Variants in KCNQ5 observed in about 807,000 individuals in gnomAD.
The protein encoded by KCNQ5 is potassium voltage-gated channel subfamily KQT member 5.
Under a neutral mutation model 98.2 loss-of-function variants are expected in KCNQ5, and 30 were observed. That is an observed-to-expected ratio of 0.31 (90% CI 0.23 to 0.41). KCNQ5 has a LOEUF of 0.41. Among genes scored for constraint, KCNQ5 ranks in the 10% least tolerant of loss-of-function variants. The pLI, the probability that KCNQ5 is intolerant of heterozygous loss-of-function variation, is 1.00. For missense variants in KCNQ5, 835 were observed against 1,182.5 expected (o/e 0.71, Z 4.31); for synonymous variants, 458 against 449.4 (o/e 1.02, Z -0.24).
At chr6:72,787,551 A>T (rs1773818447) in intron 1 of KCNQ5, among the ~76,000 whole-genome samples, 1 of 152,184 alleles carries the variant, frequency 6.6e-6, no homozygotes, top group Non-Finnish European at 1.5e-5. Flanking sequence ...AAAAAAAAAA[A>T]AATTGAATGC....
Position 73,010,801 on chromosome 6 carries a change from G to A in KCNQ5, c.489+6803G>A, listed in dbSNP as rs184665530. Among the ~76,000 whole-genome samples, 589 of 151,838 alleles carry A rather than the reference G, an allele frequency of 3.9e-3. 8 individuals carry two copies. The highest frequency in any genetic ancestry group is 0.014 in the African/African-American group (569 of 41,460). ...TTATAATAATATCAAAAAATACTTAGGAATTAACTTAACCAAGGAGATGAA... is the reference window on the plus strand; with the variant it reads ...TTATAATAATATCAAAAAATACTTAAGAATTAACTTAACCAAGGAGATGAA... On this transcript the variant is annotated intron_variant, in intron 2 of 13. Transcript: ENST00000370398.
intron 1 of KCNQ5, among the ~76,000 whole-genome samples, chr6:72,757,401 C>A (rs1351247558): frequency 6.6e-6 from 1 of 152,112 alleles, no homozygotes; most frequent in African/African-American, 2.4e-5. Flanking sequence ...CAGATAAAGT[C>A]ATTGTAAGTT....
intron 1 of KCNQ5, among the ~76,000 whole-genome samples, chr6:72,723,586 A>T (rs1770089663): frequency 6.6e-6 from 1 of 152,198 alleles, no homozygotes. Context: ...TATGCAAGAA[A>T]CACATAAAGC....
At chr6:73,169,359 T>C (rs1279452127) in intron 10 of KCNQ5, among the ~76,000 whole-genome samples, 2 of 152,200 alleles carry the variant, frequency 1.3e-5, no homozygotes, top group Non-Finnish European at 2.9e-5. Flanking sequence ...GCTTGATATA[T>C]ACAGGCCAGT....
Position 73,193,753 on chromosome 6 carries a change from A to G in KCNQ5, c.1837-699A>G, listed in dbSNP as rs116236186. Among the ~76,000 whole-genome samples the G allele has an allele frequency of 4.4e-3, 672 of 152,042 alleles. 8 individuals carry two copies. Among genetic ancestry groups the G allele is most frequent in the African/African-American group, 0.015 (603 of 41,474 alleles). The stretch of plus-strand genomic sequence containing the variant: ...AAGGTATTGGTTTCATTATAGAATA[A>G]GTTCCTTACTAGATTTCTGTAGAGT... On this transcript the variant is annotated intron_variant, in intron 13 of 13. Coordinates refer to ENST00000370398, the MANE Select transcript of KCNQ5 (RefSeq NM_019842.4).
chr6:72,677,820 G>C (rs1248552146), intron 1 of KCNQ5, among the ~76,000 whole-genome samples: 1 of 152,176 alleles, frequency 6.6e-6, no homozygotes, highest in East Asian at 1.9e-4. Flanking sequence ...ATACAAAGTT[G>C]AGTGAGCAGA....
At chr6:72,716,931 A>AC (rs1339299318) in intron 1 of KCNQ5, among the ~76,000 whole-genome samples, 2 of 152,216 alleles carry the variant, frequency 1.3e-5, no homozygotes, top group African/African-American at 4.8e-5. Flanking sequence ...ATGTTTATTA[A>AC]ACACCTACTC....
chr6:72,641,893 G>T (rs1334105464), intron 1 of KCNQ5, among the ~76,000 whole-genome samples: 1 of 151,730 alleles, frequency 6.6e-6, no homozygotes, highest in Non-Finnish European at 1.5e-5. Flanking sequence ...GAGGTGACTG[G>T]AGAAAATGAA....
chr6:72,855,350 A>G (rs1489166667), intron 1 of KCNQ5, among the ~76,000 whole-genome samples: 3 of 152,182 alleles, frequency 2.0e-5, no homozygotes, highest in Non-Finnish European at 4.4e-5. Flanking sequence ...ACATTATTTT[A>G]CTAAAATGCT....
intron 1 of KCNQ5, among the ~76,000 whole-genome samples, chr6:72,884,621 C>CT (rs11284300): frequency 1.7e-4 from 26 of 149,200 alleles, no homozygotes; most frequent in African/African-American, 3.2e-4. Flanking sequence ...GAATAAAATA[C>CT]TTTTTTTTTT....
intron 1 of KCNQ5, among the ~76,000 whole-genome samples, chr6:73,002,004 G>C (rs867219884): frequency 1.5e-3 from 1 of 684 alleles, no homozygotes; most frequent in Admixed American, 0.071. Context: ...TGCGCCTATA[G>C]TCCCAGCTCT....
chr6:73,114,471 T>C (rs1775399892), intron 7 of KCNQ5, among the ~76,000 whole-genome samples: 2 of 152,228 alleles, frequency 1.3e-5, no homozygotes, highest in African/African-American at 4.8e-5. Context: ...TTTAGCTGTG[T>C]CAATATCTTT....
chr6:72,884,670 G>A (rs1241063019), intron 1 of KCNQ5, among the ~76,000 whole-genome samples: 2 of 151,800 alleles, frequency 1.3e-5, no homozygotes, highest in Non-Finnish European at 2.9e-5. Context: ...AGGCTGGAGA[G>A]CGGTGAGACA....
At chr6:72,759,854 A>G (rs1049624165) in intron 1 of KCNQ5, among the ~76,000 whole-genome samples, 1 of 152,172 alleles carries the variant, frequency 6.6e-6, no homozygotes, top group Non-Finnish European at 1.5e-5. Flanking sequence ...CTTCACATAC[A>G]CATGCATGCA....
At chr6:72,951,161 T>G (rs1766783771) in intron 1 of KCNQ5, among the ~76,000 whole-genome samples, 1 of 152,222 alleles carries the variant, frequency 6.6e-6, no homozygotes, top group Admixed American at 6.5e-5. Flanking sequence ...GATCAGGATT[T>G]TCAACTTTCT....
intron 1 of KCNQ5, among the ~76,000 whole-genome samples, chr6:72,979,693 G>C (rs1254010713): frequency 2.0e-5 from 3 of 152,160 alleles, no homozygotes; most frequent in Admixed American, 1.3e-4. Flanking sequence ...GATTCCATTT[G>C]TCAATTTTGG....
rs779501267 is a variant in KCNQ5 at position 72,962,511 on chromosome 6, A to G, written c.399-41397A>G. On this transcript the variant is annotated intron_variant, in intron 1 of 13. Coordinates refer to ENST00000370398, the MANE Select transcript of KCNQ5 (RefSeq NM_019842.4). The stretch of plus-strand genomic sequence containing the variant: ...GCTACTGAAATTTTTTAAAATTAAT[A>G]AGTAAAATAAATCACTAAGCTCAGA... 9.9e-5 allele frequency among the ~76,000 whole-genome samples: 15 copies of G among 152,046 alleles called. No homozygotes were observed. In the South Asian group the frequency reaches 2.5e-3, roughly 25 times the overall value.
At chr6:73,138,761 G>A (rs1198762863) in intron 10 of KCNQ5, among the ~76,000 whole-genome samples, 1 of 152,174 alleles carries the variant, frequency 6.6e-6, no homozygotes, top group Non-Finnish European at 1.5e-5. Context: ...GGTTCACCAG[G>A]GTGGGATCTG....
At chr6:73,157,926 G>A (rs908464111) in intron 10 of KCNQ5, 11 of 773,912 alleles carry the variant, frequency 1.4e-5, no homozygotes, top group Non-Finnish European at 1.9e-5. Flanking sequence ...CGCTGTCAAA[G>A]ATCACAAAAC....
Sources: allele counts gnomAD v4.1 joint callset (sites outside exome capture counted in the v4.1 genomes callset), GRCh38; gene constraint gnomAD v4.1.1; transcripts MANE v1.5; gene names NCBI Gene and HGNC (gene_info 2026-07-23, HGNC 2026-07-21).